DERA: variants seen among roughly 807,000 people sequenced by gnomAD.
The protein encoded by DERA is deoxyribose-phosphate aldolase, also known as 2-deoxy-D-ribose 5-phosphate aldolase.
DERA carries 15 observed loss-of-function variants against 41.1 expected under a neutral mutation model. The observed-to-expected ratio is 0.37, with a 90% CI of 0.24 to 0.56. The LOEUF (loss-of-function observed/expected upper bound fraction) is 0.56. Ranked by LOEUF, DERA falls within the 20% of genes least tolerant of loss-of-function variation. The pLI is 0.81. For synonymous variants in DERA, 139 were observed against 137.4 expected (o/e 1.01, Z -0.08); for missense variants, 396 against 403.4 (o/e 0.98, Z 0.16).
At chr12:15,946,287 A>G (rs1330067060) in intron 1 of DERA, among the ~76,000 whole-genome samples, 2 of 152,204 alleles carry the variant, frequency 1.3e-5, no homozygotes, top group Non-Finnish European at 2.9e-5. Context: ...TGATTGGAAT[A>G]GTTTCAGAAG....
At chr12:16,023,728 C>T (rs1194795561) in intron 6 of DERA, among the ~76,000 whole-genome samples, 2 of 152,014 alleles carry the variant, frequency 1.3e-5, no homozygotes, top group African/African-American at 2.4e-5. Flanking sequence ...CCGCCCGCCT[C>T]GGCCTCCCAA....
Position 16,003,198 on chromosome 12 carries a change from G to C in DERA, c.637+20762G>C, listed in dbSNP as rs1948887497. ...TTGTAGAAGCCTCACCCTGGTCTCTGCCTTTGTGATGATATGGTGTTCTTC... is the reference window on the plus strand; with the variant it reads ...TTGTAGAAGCCTCACCCTGGTCTCTCCCTTTGTGATGATATGGTGTTCTTC... On this transcript the variant is annotated intron_variant, in intron 6 of 8. Coordinates refer to ENST00000428559, the MANE Select transcript of DERA (RefSeq NM_015954.4). The surrounding 1 kb of genome is among the most constrained non-coding windows in gnomAD (Gnocchi z 4.8). Among the ~76,000 whole-genome samples the C allele has an allele frequency of 6.6e-6, 1 of 152,218 alleles. No individual in the cohort carries two copies. Among genetic ancestry groups the C allele is most frequent in the Non-Finnish European group, 1.5e-5 (1 of 68,016 alleles).
Position 15,957,046 on chromosome 12 carries a change from C to T in DERA, c.129+13C>T, listed in dbSNP as rs764507137. The T allele has an allele frequency of 5.6e-6, 9 of 1,604,302 alleles. No individual in the cohort carries two copies. Among genetic ancestry groups the T allele is most frequent in the South Asian group, 1.1e-5 (1 of 90,724 alleles). On this transcript the variant is annotated intron_variant, in intron 2 of 8. Coordinates refer to ENST00000428559, the MANE Select transcript of DERA (RefSeq NM_015954.4). This position sits in a 1 kb window ranked among gnomAD's most constrained non-coding sequence, Gnocchi z 4.8. ...AAAGGAGTGGCAGGTAAGGGTTCTTCTTGAGCATTCTGTGCCTGTATTTTA... is the reference window on the plus strand; with the variant it reads ...AAAGGAGTGGCAGGTAAGGGTTCTTTTTGAGCATTCTGTGCCTGTATTTTA...
chr12:15,986,191 G>A (rs1302898188), intron 6 of DERA, among the ~76,000 whole-genome samples: 1 of 151,998 alleles, frequency 6.6e-6, no homozygotes, highest in Non-Finnish European at 1.5e-5. Context: ...TACTTGCATG[G>A]TATATATTTT....
At position 15,996,357 on chromosome 12, in the gene DERA, C is replaced by T. The variant is rs1948837710; in HGVS notation, c.637+13921C>T. Among the ~76,000 whole-genome samples the T allele has an allele frequency of 6.6e-6, 1 of 152,102 alleles. No homozygotes were observed. Among genetic ancestry groups the T allele is most frequent in the South Asian group, 2.1e-4 (1 of 4,820 alleles). On this transcript the variant is annotated intron_variant, in intron 6 of 8. Transcript: ENST00000428559. The surrounding 1 kb of genome is among the most constrained non-coding windows in gnomAD (Gnocchi z 4.7). Reference sequence around the variant, plus strand: ...TCTTAAGGTTCTGGAGGCCAGAAGCCCGCAGTCAGGGTGTCAGCAGGCTTA... The same window carrying T: ...TCTTAAGGTTCTGGAGGCCAGAAGCTCGCAGTCAGGGTGTCAGCAGGCTTA...
chr12:15,917,960 T>C (rs2136122920), intron 1 of DERA, among the ~76,000 whole-genome samples: 1 of 152,282 alleles, frequency 6.6e-6, no homozygotes, highest in Admixed American at 6.5e-5. Context: ...ATGTACTGTA[T>C]ACACACACAC....
Position 15,915,255 on chromosome 12 carries a change from G to A in DERA, c.31+3841G>A. On this transcript the variant is annotated intron_variant, in intron 1 of 8. Coordinates refer to ENST00000428559, the MANE Select transcript of DERA (RefSeq NM_015954.4). This position sits in a 1 kb window ranked among gnomAD's most constrained non-coding sequence, Gnocchi z 4.8. ...CTAGACTGTGCTTTAAATGGGTTGT[G>A]AAAACAGAATGTCCTGGGCCTTTTG... is the stretch of plus-strand genomic sequence containing the variant. Among the ~76,000 whole-genome samples, 1 of 152,162 alleles carries A rather than the reference G, an allele frequency of 6.6e-6. No individual in the cohort carries two copies.
At chr12:15,991,697 A>G (rs1429466624) in intron 6 of DERA, among the ~76,000 whole-genome samples, 1 of 152,162 alleles carries the variant, frequency 6.6e-6, no homozygotes, top group African/African-American at 2.4e-5. Flanking sequence ...TGAGTTGGAC[A>G]GTGTTTCGAT....
In DERA at chr12:15,931,179, G is replaced by GT. The variant is rs1209294406; in HGVS notation, c.31+19766dup. On this transcript the variant is annotated intron_variant, in intron 1 of 8. Transcript: ENST00000428559. The surrounding 1 kb of genome is among the most constrained non-coding windows in gnomAD (Gnocchi z 4.6). ...TATTCTTGCAGTCACTCTAACTTGC[G>GT]TGACTAGCACAACATCCAGCATAAA... is the stretch of plus-strand genomic sequence containing the variant. Among the ~76,000 whole-genome samples the GT allele has an allele frequency of 6.6e-6, 1 of 152,166 alleles. No individual in the cohort carries two copies.
chr12:15,912,315 A>C (rs1171221032), intron 1 of DERA, among the ~76,000 whole-genome samples: 1 of 152,176 alleles, frequency 6.6e-6, no homozygotes, highest in Non-Finnish European at 1.5e-5. Flanking sequence ...CACATGTTTC[A>C]GAGAGCACAG....
chr12:16,029,163 G>A lies in DERA; in HGVS notation c.638-3379G>A, dbSNP rs529111574. On this transcript the variant is annotated intron_variant, in intron 6 of 8. Transcript: ENST00000428559. ...AAAAATAAACAAACTGGCCGGGCGC[G>A]GTGGCTCACGCCTGTAATCCCAGCA... Among the ~76,000 whole-genome samples the A allele has an allele frequency of 1.1e-3, 172 of 152,276 alleles. 1 individual carries two copies. The highest frequency in any genetic ancestry group is 3.9e-3 in the African/African-American group (161 of 41,564).
intron 4 of DERA, among the ~76,000 whole-genome samples, chr12:15,961,666 C>T (rs1412717422): frequency 6.6e-6 from 1 of 152,214 alleles, no homozygotes; most frequent in African/African-American, 2.4e-5. Context: ...AATTTTTCAT[C>T]AGCCTCAGTC....
chr12:15,991,394 A>G (rs1948801082), intron 6 of DERA, among the ~76,000 whole-genome samples: 1 of 152,170 alleles, frequency 6.6e-6, no homozygotes, highest in African/African-American at 2.4e-5. Context: ...ATGTTCTCCC[A>G]TTCTGTAGGT....
rs1948266489 is a variant in DERA at position 15,924,313 on chromosome 12, C to T, written c.31+12899C>T. Among the ~76,000 whole-genome samples the T allele has an allele frequency of 6.6e-6, 1 of 152,136 alleles. No homozygotes were observed. Among genetic ancestry groups the T allele is most frequent in the Admixed American group, 6.5e-5 (1 of 15,282 alleles). ...GGTATGCCGCTATGGTCACAGCTAC[C>T]TTGGAAACTGAGGCGGGACAAGGTT... On this transcript the variant is annotated intron_variant, in intron 1 of 8. Coordinates refer to ENST00000428559, the MANE Select transcript of DERA (RefSeq NM_015954.4). This position sits in a 1 kb window ranked among gnomAD's most constrained non-coding sequence, Gnocchi z 5.0.
Position 16,026,194 on chromosome 12 carries a change from T to C in DERA, c.638-6348T>C, listed in dbSNP as rs1021292034. ...GGAATAGAAATGAGAACAGAAATGA[T>C]GAAATTGAAAACAAAAACAACAGAG... On this transcript the variant is annotated intron_variant, in intron 6 of 8. Transcript: ENST00000428559. The surrounding 1 kb of genome is among the most constrained non-coding windows in gnomAD (Gnocchi z 4.4). Among the ~76,000 whole-genome samples the C allele has an allele frequency of 8.6e-5, 13 of 150,770 alleles. No individual in the cohort carries two copies. Among genetic ancestry groups the C allele is most frequent in the Admixed American group, 8.6e-4 (13 of 15,136 alleles).
chr12:15,956,625 C>T (rs1230253882), intron 1 of DERA: 3 of 411,872 alleles, frequency 7.3e-6, no homozygotes, highest in Non-Finnish European at 9.4e-6. Flanking sequence ...ACACATTTCC[C>T]ACGTCGTTAG....
At chr12:16,002,752 T>C (rs1948884137) in intron 6 of DERA, among the ~76,000 whole-genome samples, 1 of 152,156 alleles carries the variant, frequency 6.6e-6, no homozygotes, top group Non-Finnish European at 1.5e-5. Context: ...CCACTTTGTC[T>C]TAGACAGGGC....
At chr12:15,916,849 C>G (rs1354489977) in intron 1 of DERA, among the ~76,000 whole-genome samples, 1 of 152,148 alleles carries the variant, frequency 6.6e-6, no homozygotes, top group Non-Finnish European at 1.5e-5. Context: ...TGGGCTCAAG[C>G]AGTTCTCCCT....
At chr12:15,962,780 C>T (rs1351723973) in intron 4 of DERA, 33 bp from the exon 5 acceptor site, 2 of 1,512,162 alleles carry the variant, frequency 1.3e-6, no homozygotes, top group East Asian at 2.5e-5. Flanking sequence ...CCCTCCTTCC[C>T]TCTTTCTTCA....
Sources: gnomAD v4.1 joint callset for allele counts (sites outside exome capture counted in the v4.1 genomes callset) on GRCh38, gnomAD v4.1.1 for gene constraint, Gnocchi (gnomAD v3.1) non-coding constraint, MANE v1.5 for transcripts, NCBI Gene and HGNC (gene_info 2026-07-23, HGNC 2026-07-21) for gene names.